Variants in PAFAH2 observed in about 807,000 individuals in gnomAD.
PAFAH2 encodes the protein platelet activating factor acetylhydrolase 2, also known as platelet-activating factor acetylhydrolase 2, cytoplasmic.
Under a neutral mutation model 49.0 loss-of-function variants are expected in PAFAH2, and 42 were observed. The ratio of observed to expected loss-of-function variants is 0.86; its 90% CI spans 0.67 to 1.11. The LOEUF (loss-of-function observed/expected upper bound fraction) is 1.11, where lower values mean the gene tolerates loss of function less well. Ranked by LOEUF, PAFAH2 falls within the 50% of genes least tolerant of loss-of-function variation. The pLI, the probability that PAFAH2 is intolerant of heterozygous loss-of-function variation, is 0.00. For synonymous variants in PAFAH2, 184 were observed against 181.3 expected, an observed-to-expected ratio of 1.01 and a Z score of -0.12; for missense variants, 503 against 501.8, an observed-to-expected ratio of 1.00 and a Z score of -0.02.
In PAFAH2 at chr1:25,984,463, T is replaced by G. The variant is rs1016125533; in HGVS notation, c.407A>C (p.His136Pro). ...SRGFVVAVPE[H>P]RDRSAATTYF... ...TCCATGGCGGCTCATCCCTCACCTG[T>G]GCTCTGGCACAGCAACCACAAAGCC... The change falls in exon 5 of 11, where the codon CAC becomes CCC. Residue 136 changes from histidine (H) to proline (P), a missense_variant. Physicochemically the swap from His to Pro is moderately conservative, Grantham distance 77. Transcript: ENST00000374282. The G allele has an allele frequency of 6.2e-7, 1 of 1,613,100 alleles. No individual in the cohort carries two copies. The highest frequency in any genetic ancestry group is 8.5e-7 in the Non-Finnish European group (1 of 1,179,320).
intron 8 of PAFAH2, 118 bp from the exon 9 acceptor site, chr1:25,974,768 AG>A (rs1015179046): frequency 8.9e-6 from 8 of 902,006 alleles, no homozygotes; most frequent in South Asian, 1.8e-5. Context: ...GAAAGCCAGG[AG>A]GGGGGTACCA....
intron 7 of PAFAH2, among the ~76,000 whole-genome samples, chr1:25,979,845 C>T (rs893109340): frequency 2.6e-5 from 4 of 152,206 alleles, no homozygotes; most frequent in Admixed American, 6.5e-5. Context: ...AGGCTGGTAT[C>T]GAACTCCTGG....
In PAFAH2 at chr1:25,989,452, C is replaced by A. The variant is rs141767277; in HGVS notation, c.240G>T (p.Ala80=). Reference sequence around the variant, plus strand: ...AGAGGTCAGGCCAGCCCTTACCCACCGCCAGGTTGAACAGCAAGCCCCCGC... The same window carrying A: ...AGAGGTCAGGCCAGCCCTTACCCACAGCCAGGTTGAACAGCAAGCCCCCGC... ...KRCGGLLFNL[A]VGSCRLPVSW... Residue 80 remains alanine (A), a synonymous_variant, in exon 3 of 11, where the codon GCG becomes GCT. Coordinates refer to ENST00000374282, the MANE Select transcript of PAFAH2 (RefSeq NM_000437.4). 5.9e-4 allele frequency: 940 copies of A among 1,595,440 alleles called. 1 individual carries two copies. Among genetic ancestry groups the A allele is most frequent in the Admixed American group, 8.9e-4 (51 of 57,030 alleles).
intron 4 of PAFAH2, among the ~76,000 whole-genome samples, chr1:25,987,538 T>C (rs187450211): frequency 1.2e-4 from 19 of 152,126 alleles, no homozygotes; most frequent in Admixed American, 1.2e-3. Flanking sequence ...AAGTCTCTTA[T>C]TCGCTACTAC....
intron 1 of PAFAH2, among the ~76,000 whole-genome samples, chr1:25,994,744 C>T (rs1301436843): frequency 1.7e-4 from 26 of 152,134 alleles, no homozygotes; most frequent in Admixed American, 1.6e-3. Context: ...TTTTGTCTCA[C>T]TCTGCATAGA....
intron 1 of PAFAH2, among the ~76,000 whole-genome samples, chr1:25,993,755 A>G (rs2992055): frequency 5.9e-5 from 9 of 151,994 alleles, no homozygotes; most frequent in African/African-American, 2.2e-4. Context: ...GAGGTCTGCA[A>G]ATGGAAGACC....
At chr1:25,969,415 T>G (rs1272677542) in intron 10 of PAFAH2, among the ~76,000 whole-genome samples, 1 of 152,222 alleles carries the variant, frequency 6.6e-6, no homozygotes, top group African/African-American at 2.4e-5. Flanking sequence ...CACTCTGAAT[T>G]GTCACCAGAG....
At chr1:25,989,967 G>T (rs1192218918) in intron 2 of PAFAH2, among the ~76,000 whole-genome samples, 1 of 152,050 alleles carries the variant, frequency 6.6e-6, no homozygotes, top group Admixed American at 6.6e-5. Context: ...GGTGGCCTTG[G>T]TAGCTCATCC....
chr1:25,962,070 GT>G lies in PAFAH2; in HGVS notation c.1097del (p.Asp366AlafsTer51). The G allele has an allele frequency of 6.2e-7, 1 of 1,613,364 alleles. No homozygotes were observed. The highest frequency in any genetic ancestry group is 8.5e-7 in the Non-Finnish European group (1 of 1,179,586). ...CAATAAGGTTGTTCCATTGATTATA[GT>G]CTTCTTTCAGGTCTGAAAAGGAAAA... ...FLQKHLDLKE[D>X]YNQWNNLIEG... is the part of the protein sequence containing the mutation. On this transcript the variant is annotated frameshift_variant, in exon 11 of 11. Transcript: ENST00000374282. LOFTEE classifies it high-confidence loss of function.
At chr1:25,980,611 T>TTTTA (rs369555868) in intron 7 of PAFAH2, among the ~76,000 whole-genome samples, 22,366 of 74,016 alleles carry the variant, frequency 0.3, 1,956 homozygotes, top group East Asian at 0.5. Flanking sequence ...TGGGCCATAT[T>TTTTA]TATATATATA....
At chr1:25,989,946 G>A (rs75862087) in intron 2 of PAFAH2, among the ~76,000 whole-genome samples, 2,126 of 152,188 alleles carry the variant, frequency 0.014, 57 homozygotes, top group African/African-American at 0.049. Context: ...ATTAGTTCTC[G>A]TGCTGAACAG....
At chr1:25,970,037 G>A (rs1033710557) in intron 10 of PAFAH2, among the ~76,000 whole-genome samples, 1 of 152,162 alleles carries the variant, frequency 6.6e-6, no homozygotes, top group Non-Finnish European at 1.5e-5. Context: ...ATATAAAAAT[G>A]AAAATTTACT....
Position 25,976,765 on chromosome 1 carries a change from A to G in PAFAH2, c.675T>C (p.Ile225=). The stretch of plus-strand genomic sequence containing the variant: ...CCATCACAGCCACACGGCTCATGTC[A>G]ATGTTGCCCTGAGGAAAGTGGAGAA... ...GLDLMTLKGN[I]DMSRVAVMGH... is the part of the protein sequence containing the mutation. The change falls in exon 8 of 11, where the codon ATT becomes ATC. Residue 225 remains isoleucine, a synonymous_variant. Transcript: ENST00000374282. 28 of 1,613,930 alleles carry G rather than the reference A, an allele frequency of 1.7e-5. No homozygotes were observed. The highest frequency in any genetic ancestry group is 2.4e-5 in the Non-Finnish European group (28 of 1,179,840).
At chr1:25,985,148 C>T (rs565777432) in intron 4 of PAFAH2, among the ~76,000 whole-genome samples, 1 of 152,268 alleles carries the variant, frequency 6.6e-6, no homozygotes, top group African/African-American at 2.4e-5. Context: ...TGAGCCACCG[C>T]ACCCAGCCAG....
chr1:25,995,619 G>A (rs1259893800), intron 1 of PAFAH2, among the ~76,000 whole-genome samples: 1 of 152,092 alleles, frequency 6.6e-6, no homozygotes, highest in African/African-American at 2.4e-5. Context: ...TCACGACTAC[G>A]ATTTCACTTG....
chr1:25,982,504 C>G lies in PAFAH2; in HGVS notation c.553-27G>C, dbSNP rs566523305. The G allele has an allele frequency of 3.5e-5, 53 of 1,516,860 alleles. No individual in the cohort carries two copies. The South Asian group carries it at 5.6e-4, about 16-fold the overall frequency. The allele number at this position is 1,516,860 out of a possible 1,614,324, so 94.0% of individuals were successfully genotyped here. A position where few individuals can be genotyped will look rare whatever the true frequency, so the allele number is the denominator to read the frequency against. On this transcript the variant is annotated intron_variant, in intron 6 of 10. Transcript: ENST00000374282. ...TGCAACAGAGACAGTCCCAGTGGGACTGGAACACTCCACAACTGTCCAGCG... is the reference window on the plus strand; with the variant it reads ...TGCAACAGAGACAGTCCCAGTGGGAGTGGAACACTCCACAACTGTCCAGCG...
chr1:25,987,292 T>A (rs369072573), intron 4 of PAFAH2, among the ~76,000 whole-genome samples: 1 of 130,666 alleles, frequency 7.7e-6, no homozygotes, highest in Admixed American at 8.0e-5. Flanking sequence ...TAAAATAAAA[T>A]AAAAAGATCT....
chr1:25,988,806 CAAAAAAAAAAAAAAAAAA>C (rs59169423), intron 3 of PAFAH2, among the ~76,000 whole-genome samples: 1 of 54,344 alleles, frequency 1.8e-5, no homozygotes, highest in African/African-American at 7.5e-5. Context: ...TCCATCTCAC[CAAAAAAAAAAAAAAAAAA>C]AAAAAAAAAG....
At chr1:25,984,382 G>A in intron 5 of PAFAH2, 78 bp downstream of exon 5, 1 of 1,097,174 alleles carries the variant, frequency 9.1e-7, no homozygotes, top group Non-Finnish European at 1.4e-6. Context: ...GAGAGGGTTA[G>A]AAATAGTACA....
Sources: gnomAD v4.1 joint callset for allele counts (sites outside exome capture counted in the v4.1 genomes callset) on GRCh38, gnomAD v4.1.1 for gene constraint, MANE v1.5 for transcripts, NCBI Gene and HGNC (gene_info 2026-07-23, HGNC 2026-07-21) for gene names.